Variants in TBC1D2B observed in about 807,000 individuals in gnomAD.
The protein encoded by TBC1D2B is TBC1 domain family member 2B.
In TBC1D2B, 64 loss-of-function variants were observed where a neutral mutation model predicts 100.8. The observed-to-expected ratio is 0.64, with a 90% CI of 0.52 to 0.78. The LOEUF (loss-of-function observed/expected upper bound fraction) is 0.78, where lower values mean the gene tolerates loss of function less well. TBC1D2B is among the 30% of genes least tolerant of loss of function. The probability of loss-of-function intolerance (pLI) is 0.00; values close to 1 mark genes in which losing one functional copy is unlikely to be tolerated. For missense variants in TBC1D2B, 1,052 were observed against 1,218.4 expected (o/e 0.86, Z 2.03); for synonymous variants, 480 against 479.7 (o/e 1.00, Z -0.01).
At chr15:78,011,012 CG>C (rs2072208483) in intron 9 of TBC1D2B, among the ~76,000 whole-genome samples, 1 of 152,162 alleles carries the variant, frequency 6.6e-6, no homozygotes, top group Admixed American at 6.5e-5. Flanking sequence ...CTGAGTTTCA[CG>C]GGTTTCCAGC....
intron 11 of TBC1D2B, 33 bp downstream of exon 11, chr15:78,003,272 A>T: frequency 6.3e-7 from 1 of 1,598,012 alleles, no homozygotes; most frequent in Non-Finnish European, 8.6e-7. Context: ...TCAAGTGTGT[A>T]TATCTGAAAA....
chr15:78,002,082 A>T (rs1264242515), intron 11 of TBC1D2B: 1 of 161,498 alleles, frequency 6.2e-6, no homozygotes, highest in Non-Finnish European at 1.3e-5. Flanking sequence ...ATAAAACCAA[A>T]ATCAAGGTTT....
chr15:77,999,443 A>C, intron 12 of TBC1D2B: 3 of 328,610 alleles, frequency 9.1e-6, no homozygotes, highest in Non-Finnish European at 1.9e-5. Flanking sequence ...GGCCAGCTTT[A>C]TTTAAATTCT....
In TBC1D2B at chr15:78,054,203, G is replaced by C. The variant is rs558830578; in HGVS notation, c.361-16C>G. ...GATTGGGAGCCTAGAAAGAGGGAGGGGAAAAACATGTTATGGCCACCAGTA... is the reference window on the plus strand; with the variant it reads ...GATTGGGAGCCTAGAAAGAGGGAGGCGAAAAACATGTTATGGCCACCAGTA... On this transcript the variant is annotated splice_polypyrimidine_tract_variant and intron_variant, in intron 1 of 12. Coordinates refer to ENST00000300584, the MANE Select transcript of TBC1D2B (RefSeq NM_144572.2). 1 of 1,605,124 alleles carries C rather than the reference G, an allele frequency of 6.2e-7. No individual in the cohort carries two copies. The highest frequency in any genetic ancestry group is 1.1e-5 in the South Asian group (1 of 89,694).
At chr15:78,017,055 TCGGTGCCA>T (rs1303331494) in intron 7 of TBC1D2B, 1 of 238,240 alleles carries the variant, frequency 4.2e-6, no homozygotes, top group Non-Finnish European at 8.1e-6. Context: ...GAGGTCCAGC[TCGGTGCCA>T]TCTGGCACAT....
At chr15:78,004,004 G>A (rs1044757296) in intron 10 of TBC1D2B, among the ~76,000 whole-genome samples, 1 of 152,166 alleles carries the variant, frequency 6.6e-6, no homozygotes, top group Non-Finnish European at 1.5e-5. Flanking sequence ...ACCTGAGTCT[G>A]AATCTCAGCT....
intron 6 of TBC1D2B, among the ~76,000 whole-genome samples, chr15:78,020,967 G>C (rs1445299631): frequency 6.6e-6 from 1 of 152,210 alleles, no homozygotes; most frequent in Admixed American, 6.5e-5. Flanking sequence ...AAGCAATATG[G>C]AAGTGCTGGG....
chr15:78,032,418 AT>A lies in TBC1D2B; in HGVS notation c.684-2249del, dbSNP rs573139692. On this transcript the variant is annotated intron_variant, in intron 3 of 12. Coordinates refer to ENST00000300584, the MANE Select transcript of TBC1D2B (RefSeq NM_144572.2). Reference sequence around the variant, plus strand: ...AATAATATTTATAGCAATAAAAAAAATATATATATATATATCCAGCACACAA... The same window carrying A: ...AATAATATTTATAGCAATAAAAAAAAATATATATATATATCCAGCACACAA... Among the ~76,000 whole-genome samples the A allele has an allele frequency of 8.8e-3, 1,309 of 149,548 alleles. 27 individuals are homozygous for A. The highest frequency in any genetic ancestry group is 0.03 in the African/African-American group (1,229 of 41,072).
rs1228098700 is a variant in TBC1D2B at position 78,030,152 on chromosome 15, G to A, written c.702C>T (p.Phe234=). ...GNELKNSMSS[F]RPGRGHNDSR... is the part of the protein sequence containing the mutation. ...TATCATTATGTCCTCTCCCAGGACG[G>A]AAAGAAGACATCGAATTCCTGTTGG... is the stretch of plus-strand genomic sequence containing the variant. The change falls in exon 4 of 13, where the codon TTC becomes TTT. Residue 234 remains phenylalanine, a synonymous_variant. Coordinates refer to ENST00000300584, the MANE Select transcript of TBC1D2B (RefSeq NM_144572.2). 6.2e-7 allele frequency: 1 copy of A among 1,606,748 alleles called. No homozygotes were observed. The highest frequency in any genetic ancestry group is 8.5e-7 in the Non-Finnish European group (1 of 1,177,962).
chr15:78,025,651 C>G, intron 4 of TBC1D2B, 154 bp from the exon 5 acceptor site: 1 of 484,664 alleles, frequency 2.1e-6, no homozygotes, highest in Non-Finnish European at 3.5e-6. Context: ...CTCAGCCTCC[C>G]GAGTAGCTGG....
chr15:78,071,550 C>A (rs2073743180), intron 1 of TBC1D2B, among the ~76,000 whole-genome samples: 1 of 152,216 alleles, frequency 6.6e-6, no homozygotes, highest in Non-Finnish European at 1.5e-5. Context: ...ATGGAACTGA[C>A]TGTAAGCTCT....
rs1419367901 is a variant in TBC1D2B at position 78,016,629 on chromosome 15, G to A, written c.1692C>T (p.Val564=). The change falls in exon 8 of 13, where the codon GTC becomes GTT. Residue 564 remains valine (V), a synonymous_variant. Coordinates refer to ENST00000300584, the MANE Select transcript of TBC1D2B (RefSeq NM_144572.2). Reference sequence around the variant, plus strand: ...GAGCATCCTCCAGCAACTGGGCTATGACCTCCCGGGTGGGCCCCTGGTCTT... The same window carrying A: ...GAGCATCCTCCAGCAACTGGGCTATAACCTCCCGGGTGGGCCCCTGGTCTT... ...CSEDQGPTRE[V]IAQLLEDALQ... is the part of the protein sequence containing the mutation. 7 of 1,612,836 alleles carry A rather than the reference G, an allele frequency of 4.3e-6. No homozygotes were observed. The African/African-American group carries it at 8.0e-5, about 18-fold the overall frequency.
intron 4 of TBC1D2B, among the ~76,000 whole-genome samples, chr15:78,027,663 C>T (rs377154891): frequency 1.3e-5 from 2 of 152,220 alleles, no homozygotes; most frequent in Admixed American, 1.3e-4. Context: ...TTTCTCCTCC[C>T]GTCCCAACTC....
In TBC1D2B at chr15:78,030,007, C is replaced by T; in HGVS notation, c.847G>A (p.Gly283Arg). The change falls in exon 4 of 13, where the codon GGA (glycine) becomes AGA (arginine). Residue 283 changes from glycine to arginine, a missense_variant and splice_region_variant. Transcript: ENST00000300584. ...KKKLTPEGNK[G>R]VTGSGFPFDF... Reference sequence around the variant, plus strand: ...CAGACAACAGGAAGTACATTGATACCTTTGTTTCCTTCAGGGGTCAGCTTC... The same window carrying T: ...CAGACAACAGGAAGTACATTGATACTTTTGTTTCCTTCAGGGGTCAGCTTC... 1.2e-6 allele frequency: 2 copies of T among 1,605,134 alleles called. No individual in the cohort carries two copies. The highest frequency in any genetic ancestry group is 1.7e-6 in the Non-Finnish European group (2 of 1,176,854).
chr15:78,065,933 G>A (rs138099149), intron 1 of TBC1D2B: 39 of 451,170 alleles, frequency 8.6e-5, no homozygotes, highest in Non-Finnish European at 1.4e-4. Flanking sequence ...GTTTTAAGGT[G>A]GAGTTGGTGT....
rs912185923 is a variant in TBC1D2B, at chr15:77,996,274, G to T, written c.*1886C>A. 4 of 152,110 alleles carry T rather than the reference G, an allele frequency of 2.6e-5. No homozygotes were observed. Among genetic ancestry groups the T allele is most frequent in the African/African-American group, 9.7e-5 (4 of 41,414 alleles). 9.4% of individuals were successfully genotyped at this position (152,110 alleles called of 1,614,324 possible). On this transcript the variant is annotated 3_prime_UTR_variant, in exon 13 of 13. Transcript: ENST00000300584. ...CAACACGAGCCTGTCCCTAAAGGCA[G>T]CTCTTAGCCCCAGGACATGGCAGTG...
Position 77,998,133 on chromosome 15 carries a change from G to A in TBC1D2B, c.*27C>T. 1 of 1,485,052 alleles carries A rather than the reference G, an allele frequency of 6.7e-7. No homozygotes were observed. Among genetic ancestry groups the A allele is most frequent in the Non-Finnish European group, 9.0e-7 (1 of 1,112,530 alleles). The allele number at this position is 1,485,052 out of a possible 1,614,324, so 92.0% of individuals were successfully genotyped here. On this transcript the variant is annotated 3_prime_UTR_variant, in exon 13 of 13. Coordinates refer to ENST00000300584, the MANE Select transcript of TBC1D2B (RefSeq NM_144572.2). ...CTTTGGGCACACTTTGGTTGTGAAG[G>A]AAGGAAGAGCAGCATCCCGAGCCCA...
intron 12 of TBC1D2B, chr15:77,999,354 G>A: frequency 4.5e-6 from 2 of 448,788 alleles, no homozygotes; most frequent in South Asian, 3.1e-5. Context: ...CACACACGAG[G>A]GTGCAACCTT....
intron 6 of TBC1D2B, among the ~76,000 whole-genome samples, chr15:78,018,600 T>C (rs574537444): frequency 1.6e-3 from 243 of 152,374 alleles, no homozygotes; most frequent in African/African-American, 5.3e-3. Flanking sequence ...CTATTTGCTT[T>C]CTGTCTATAA....
Sources: gnomAD v4.1 joint callset for allele counts (sites outside exome capture counted in the v4.1 genomes callset) on GRCh38, gnomAD v4.1.1 for gene constraint, MANE v1.5 for transcripts, NCBI Gene and HGNC (gene_info 2026-07-23, HGNC 2026-07-21) for gene names.